BMPR1B: variants seen among roughly 807,000 people sequenced by gnomAD.
BMPR1B encodes bone morphogenetic protein receptor type-1B.
In BMPR1B, 12 loss-of-function variants were observed where a neutral mutation model predicts 59.1. The observed-to-expected ratio is 0.20, with a 90% CI of 0.13 to 0.33. The LOEUF (loss-of-function observed/expected upper bound fraction) is 0.33, where lower values mean the gene tolerates loss of function less well. BMPR1B is among the 10% of genes least tolerant of loss of function. The pLI is 1.00. For missense variants in BMPR1B, 550 were observed against 610.9 expected (o/e 0.90, Z 1.05); for synonymous variants, 237 against 207.3 (o/e 1.14, Z -1.23).
intron 1 of BMPR1B, among the ~76,000 whole-genome samples, chr4:94,758,832 T>G (rs1432646098): frequency 6.6e-6 from 1 of 152,088 alleles, no homozygotes; most frequent in Non-Finnish European, 1.5e-5. Context: ...TGCGTCTGTC[T>G]CCCTCTCCCC....
At chr4:95,152,825 CT>C (rs1735149899) in intron 12 of BMPR1B, 52 bp downstream of exon 12, 1 of 1,592,098 alleles carries the variant, frequency 6.3e-7, no homozygotes. Flanking sequence ...ATAGACTTTT[CT>C]TTTTTAGCTA....
At chr4:94,894,374 A>G (rs1477430890) in intron 2 of BMPR1B, among the ~76,000 whole-genome samples, 2 of 151,910 alleles carry the variant, frequency 1.3e-5, no homozygotes, top group Non-Finnish European at 2.9e-5. Flanking sequence ...CTTAAACAGT[A>G]AGCATTTATA....
intron 11 of BMPR1B, among the ~76,000 whole-genome samples, chr4:95,151,338 C>G (rs1156489155): frequency 6.6e-6 from 1 of 152,164 alleles, no homozygotes; most frequent in Non-Finnish European, 1.5e-5. Flanking sequence ...AGTCCATCCA[C>G]CAGCGGAAAA....
intron 1 of BMPR1B, among the ~76,000 whole-genome samples, chr4:94,777,535 A>G (rs1722421575): frequency 6.6e-6 from 1 of 152,088 alleles, no homozygotes. Flanking sequence ...TAAAGGAAAA[A>G]AGCTATTAAT....
chr4:95,108,532 T>C (rs1039312132), intron 4 of BMPR1B, among the ~76,000 whole-genome samples: 1 of 152,062 alleles, frequency 6.6e-6, no homozygotes, highest in African/African-American at 2.4e-5. Context: ...TTAGAGGACA[T>C]GTGCAAGGTT....
intron 3 of BMPR1B, among the ~76,000 whole-genome samples, chr4:95,021,349 A>G (rs1312502830): frequency 6.6e-6 from 1 of 152,188 alleles, no homozygotes; most frequent in African/African-American, 2.4e-5. Flanking sequence ...CATCATTTAC[A>G]TGGTGTGGAG....
chr4:95,011,977 C>T (rs1041649324), intron 3 of BMPR1B, among the ~76,000 whole-genome samples: 4 of 151,886 alleles, frequency 2.6e-5, no homozygotes, highest in Non-Finnish European at 5.9e-5. Context: ...CAAGATCCCA[C>T]CACTGCACTC....
rs200198618 is a variant in BMPR1B at position 95,130,038 on chromosome 4, G to T, written c.762G>T (p.Arg254Ser). The T allele has an allele frequency of 3.9e-5, 63 of 1,613,694 alleles. No homozygotes were observed. The highest frequency in any genetic ancestry group is 5.2e-5 in the Non-Finnish European group (61 of 1,179,820). ...ETEIYQTVLM[R>S]HENILGFIAA... ...AAATATATCAGACAGTGTTGATGAG[G>T]CATGAAAACATTTTGGGTGAGTAAA... is the stretch of plus-strand genomic sequence containing the variant. Residue 254 changes from arginine (R) to serine (S), a missense_variant, in exon 9 of 13, where the codon AGG (arginine) becomes AGT (serine). Coordinates refer to ENST00000515059, the MANE Select transcript of BMPR1B (RefSeq NM_001203.3).
chr4:95,036,619 A>G (rs1432872803), intron 3 of BMPR1B, among the ~76,000 whole-genome samples: 3 of 151,212 alleles, frequency 2.0e-5, no homozygotes, highest in African/African-American at 7.3e-5. Flanking sequence ...TCATTTGTTG[A>G]TGGACAATTA....
chr4:95,008,912 G>C (rs1368962365), intron 3 of BMPR1B, among the ~76,000 whole-genome samples: 2 of 152,108 alleles, frequency 1.3e-5, no homozygotes, highest in African/African-American at 4.8e-5. Flanking sequence ...GATGAGGGTT[G>C]GGCACAGTGT....
intron 3 of BMPR1B, among the ~76,000 whole-genome samples, chr4:95,098,770 G>T (rs1730608226): frequency 6.6e-6 from 1 of 152,058 alleles, no homozygotes; most frequent in Admixed American, 6.5e-5. Flanking sequence ...AGGCTGGAGT[G>T]CAGTGGCGCG....
At chr4:95,005,100 C>T (rs914486615) in intron 3 of BMPR1B, among the ~76,000 whole-genome samples, 3 of 152,016 alleles carry the variant, frequency 2.0e-5, no homozygotes, top group African/African-American at 7.2e-5. Flanking sequence ...GTGTTCTTAA[C>T]TTGGGGAGCT....
intron 1 of BMPR1B, among the ~76,000 whole-genome samples, chr4:94,784,744 C>A (rs1280622950): frequency 2.6e-5 from 4 of 152,142 alleles, no homozygotes; most frequent in Non-Finnish European, 5.9e-5. Context: ...TCTCAAACCT[C>A]AGTTGCTTGT....
chr4:94,979,099 A>T (rs891068880), intron 2 of BMPR1B, among the ~76,000 whole-genome samples: 2 of 152,174 alleles, frequency 1.3e-5, no homozygotes, highest in African/African-American at 4.8e-5. Context: ...AGAACAACAC[A>T]GGAAAACCCA....
At chr4:94,971,200 T>C (rs889622932) in intron 2 of BMPR1B, among the ~76,000 whole-genome samples, 3 of 152,182 alleles carry the variant, frequency 2.0e-5, no homozygotes, top group Non-Finnish European at 4.4e-5. Flanking sequence ...AAAACAACTT[T>C]TTTCCCTCTA....
intron 3 of BMPR1B, among the ~76,000 whole-genome samples, chr4:95,093,151 T>G (rs560304488): frequency 6.6e-6 from 1 of 152,158 alleles, no homozygotes; most frequent in Non-Finnish European, 1.5e-5. Context: ...TGGCTTCAGT[T>G]TGATGTTGCA....
At chr4:95,042,157 A>G (rs1384595203) in intron 3 of BMPR1B, among the ~76,000 whole-genome samples, 1 of 152,214 alleles carries the variant, frequency 6.6e-6, no homozygotes, top group Non-Finnish European at 1.5e-5. Flanking sequence ...TGCCCAGCCA[A>G]TCCAAAACTT....
At chr4:94,795,567 G>A (rs1198232673) in intron 1 of BMPR1B, among the ~76,000 whole-genome samples, 1 of 152,104 alleles carries the variant, frequency 6.6e-6, no homozygotes, top group Non-Finnish European at 1.5e-5. Context: ...GGGTTCAAGC[G>A]ATTCTCCTGC....
intron 2 of BMPR1B, among the ~76,000 whole-genome samples, chr4:94,902,823 A>G (rs1727884652): frequency 6.6e-6 from 1 of 151,958 alleles, no homozygotes. Context: ...CACTTTAATG[A>G]TGGAATGGTT....
Sources: allele counts gnomAD v4.1 joint callset (sites outside exome capture counted in the v4.1 genomes callset), GRCh38; gene constraint gnomAD v4.1.1; transcripts MANE v1.5; gene names NCBI Gene and HGNC (gene_info 2026-07-23, HGNC 2026-07-21).